Variants in WDPCP observed in about 807,000 individuals in gnomAD.
The protein encoded by WDPCP is WD repeat-containing and planar cell polarity effector protein fritz homolog.
WDPCP carries 71 observed loss-of-function variants against 93.1 expected under a neutral mutation model. The ratio of observed to expected loss-of-function variants is 0.76; its 90% CI spans 0.63 to 0.93. The LOEUF (loss-of-function observed/expected upper bound fraction) is 0.93, where lower values mean the gene tolerates loss of function less well. Among genes scored for constraint, WDPCP ranks in the 40% least tolerant of loss-of-function variants. The pLI, the probability that WDPCP is intolerant of heterozygous loss-of-function variation, is 0.00. For synonymous variants in WDPCP, 315 were observed against 315.0 expected (o/e 1.00, Z 0.00); for missense variants, 844 against 887.4 (o/e 0.95, Z 0.62).
Position 63,524,162 on chromosome 2 carries a change from T to C in WDPCP, c.76-31222A>G, listed in dbSNP as rs555825838. 1.3e-4 allele frequency among the ~76,000 whole-genome samples: 20 copies of C among 152,270 alleles called. No individual in the cohort carries two copies. In the South Asian group the frequency reaches 1.7e-3, roughly 13 times the overall value. ...ATTCCATGCTTGCAGATAGGAAATA[T>C]TGTTAAAATGGCCATACTGCCCATA... On this transcript the variant is annotated intron_variant, in intron 1 of 17. Transcript: ENST00000272321.
At chr2:63,533,887 CA>C (rs138063813) in intron 1 of WDPCP, among the ~76,000 whole-genome samples, 122,203 of 151,998 alleles carry the variant, frequency 0.8, 49,806 homozygotes, top group East Asian at 0.99. Context: ...GATAGAGACA[CA>C]AAAAAACCCT....
At chr2:63,473,052 T>C (rs1575485743) in intron 6 of WDPCP, among the ~76,000 whole-genome samples, 1 of 152,214 alleles carries the variant, frequency 6.6e-6, no homozygotes, top group Admixed American at 6.5e-5. Context: ...AAAAGTATGG[T>C]GATCTCTGGC....
In WDPCP at chr2:63,154,956, C is replaced by T. The variant is rs183171431; in HGVS notation, c.2079-1382G>A. ...CCATATATCTCCTTATTGAAATGTC[C>T]GTCCAAGTCTTTTGACCACTGTAGT... On this transcript the variant is annotated intron_variant, in intron 15 of 17. Coordinates refer to ENST00000272321, the MANE Select transcript of WDPCP (RefSeq NM_015910.7). 4.0e-3 allele frequency among the ~76,000 whole-genome samples: 606 copies of T among 152,202 alleles called. 3 individuals carry two copies. Among genetic ancestry groups the T allele is most frequent in the Non-Finnish European group, 7.6e-3 (515 of 67,962 alleles).
chr2:63,364,190 C>T lies in WDPCP; in HGVS notation c.1748+14196G>A, dbSNP rs189828204. Among the ~76,000 whole-genome samples, 30 of 152,224 alleles carry T rather than the reference C, an allele frequency of 2.0e-4. No individual in the cohort carries two copies. The East Asian group carries it at 5.6e-3, about 28-fold the overall frequency. On this transcript the variant is annotated intron_variant, in intron 12 of 17. Coordinates refer to ENST00000272321, the MANE Select transcript of WDPCP (RefSeq NM_015910.7). ...CCATTTCTGATAAGTCTTCTATTTA[C>T]ATTCATCGTTAAGCAGTTTTTTCAC...
intron 3 of WDPCP, chr2:63,605,451 T>C: frequency 8.1e-7 from 1 of 1,230,188 alleles, no homozygotes. Flanking sequence ...CCTGATGATA[T>C]AATATAAAAA....
rs559495968 is a variant in WDPCP at position 63,612,809 on chromosome 2, T to C, written n.488+37850A>G. 4.6e-5 allele frequency among the ~76,000 whole-genome samples: 7 copies of C among 152,314 alleles called. No individual in the cohort carries two copies. In the Middle Eastern group the frequency reaches 0.014, roughly 296 times the overall value. On this transcript the variant is annotated intron_variant and non_coding_transcript_variant, in intron 3 of 4. Coordinates refer to the WDPCP transcript ENST00000467687. Reference sequence around the variant, plus strand: ...GTAAATTCTGTTTTTCTTTTGTTAATCTGTCTTTTGTCAGTTAGATTTCCA... The same window carrying C: ...GTAAATTCTGTTTTTCTTTTGTTAACCTGTCTTTTGTCAGTTAGATTTCCA...
chr2:63,716,226 T>TTCTAGTAACTTAATAGACC (rs375808980), intron 2 of WDPCP, among the ~76,000 whole-genome samples: 1 of 152,204 alleles, frequency 6.6e-6, no homozygotes, highest in African/African-American at 2.4e-5. Context: ...ACAACTTTCT[T>TTCTAGTAACTTAATAGACC]TCTAGTAACT....
chr2:63,587,842 C>T (rs908431375), intron 1 of WDPCP, among the ~76,000 whole-genome samples: 39 of 152,248 alleles, frequency 2.6e-4, no homozygotes, highest in Non-Finnish European at 1.2e-4. Context: ...CATCCTGTTT[C>T]TTCCAAAAGG....
intron 3 of WDPCP, chr2:63,643,581 C>A: frequency 2.3e-6 from 1 of 433,134 alleles, no homozygotes; most frequent in South Asian, 1.9e-5. Flanking sequence ...TGTTACTCAC[C>A]TTGATGAGGG....
chr2:63,174,755 C>G lies in WDPCP; in HGVS notation c.1993G>C (p.Asp665His), dbSNP rs1171436215. 6.2e-7 allele frequency: 1 copy of G among 1,613,968 alleles called. No individual in the cohort carries two copies. Residue 665 changes from aspartate to histidine, a missense_variant, in exon 15 of 18, where the codon GAC becomes CAC. Transcript: ENST00000272321. ...IGLSLAPQGEDSFPDNLPPSC... is the reference protein window; with the variant it reads ...IGLSLAPQGEHSFPDNLPPSC... ...GGAGGGAGGTTATCTGGAAATGAGT[C>G]TTCTCCTTGAGGTGCTAAAGACAGG...
intron 2 of WDPCP, among the ~76,000 whole-genome samples, chr2:63,692,236 G>T (rs970592154): frequency 1.3e-5 from 2 of 151,836 alleles, no homozygotes; most frequent in Admixed American, 6.6e-5. Flanking sequence ...AAAAAATCAC[G>T]ACATAATTTA....
intron 14 of WDPCP, among the ~76,000 whole-genome samples, chr2:63,175,577 A>G (rs914941534): frequency 1.3e-5 from 2 of 152,136 alleles, no homozygotes; most frequent in African/African-American, 4.8e-5. Flanking sequence ...AACTGCACCC[A>G]TTGTACAATT....
At chr2:63,695,537 G>C (rs916606357) in intron 2 of WDPCP, among the ~76,000 whole-genome samples, 10 of 152,166 alleles carry the variant, frequency 6.6e-5, no homozygotes, top group African/African-American at 2.4e-4. Flanking sequence ...TGTCTGTCTT[G>C]TATTTTTATT....
At chr2:63,395,091 C>G (rs1558569192) in intron 10 of WDPCP, among the ~76,000 whole-genome samples, 1 of 151,936 alleles carries the variant, frequency 6.6e-6, no homozygotes, top group South Asian at 2.1e-4. Context: ...AGTAATGTAA[C>G]AAAAAAATAC....
chr2:63,555,348 G>A (rs1350781959), intron 1 of WDPCP, among the ~76,000 whole-genome samples: 3 of 152,312 alleles, frequency 2.0e-5, no homozygotes, highest in African/African-American at 7.2e-5. Flanking sequence ...GGTCTCCCTG[G>A]GACTGTACCC....
upstream of WDPCP, among the ~76,000 whole-genome samples, chr2:63,830,586 C>G (rs558218849): frequency 1.3e-5 from 2 of 152,060 alleles, no homozygotes; most frequent in African/African-American, 2.4e-5. Flanking sequence ...CTACTTTAAT[C>G]TTCCTATCAC....
intron 1 of WDPCP, among the ~76,000 whole-genome samples, chr2:63,516,462 G>A (rs1702556078): frequency 6.6e-6 from 1 of 152,180 alleles, no homozygotes; most frequent in Non-Finnish European, 1.5e-5. Flanking sequence ...ACAGCCCTCT[G>A]TGAGGCTCAG....
chr2:63,360,379 T>C (rs1161241523), intron 12 of WDPCP, among the ~76,000 whole-genome samples: 2 of 152,338 alleles, frequency 1.3e-5, no homozygotes, highest in South Asian at 2.1e-4. Flanking sequence ...TCAAGAAGAC[T>C]ACTTTGACTC....
At chr2:63,414,496 C>CACACACAT (rs750796197) in intron 9 of WDPCP, among the ~76,000 whole-genome samples, 11 of 149,734 alleles carry the variant, frequency 7.3e-5, no homozygotes, top group South Asian at 2.1e-4. Flanking sequence ...CACACACACA[C>CACACACAT]ATATATATAC....
Sources: allele counts gnomAD v4.1 joint callset (sites outside exome capture counted in the v4.1 genomes callset), GRCh38; gene constraint gnomAD v4.1.1; transcripts MANE v1.5; gene names NCBI Gene and HGNC (gene_info 2026-07-23, HGNC 2026-07-21).